The following NMNAT3 variants were observed in gnomAD, a reference collection of about 807,000 sequenced individuals.
NMNAT3 encodes nicotinamide nucleotide adenylyltransferase 3, also known as nicotinamide/nicotinic acid mononucleotide adenylyltransferase 3.
Under a neutral mutation model 24.8 loss-of-function variants are expected in NMNAT3, and 21 were observed. That is an observed-to-expected ratio of 0.85 (90% confidence interval 0.60 to 1.22). NMNAT3 has a LOEUF of 1.22. Ranked by LOEUF, NMNAT3 falls within the 50% of genes most tolerant of loss-of-function variation. The pLI, the probability that NMNAT3 is intolerant of heterozygous loss-of-function variation, is 0.00. For synonymous variants in NMNAT3, 136 were observed against 155.2 expected (o/e 0.88, Z 0.92); for missense variants, 387 against 436.6 (o/e 0.89, Z 1.01).
intron 6 of NMNAT3, chr3:139,572,159 C>G (rs1461215774): frequency 2.5e-6 from 1 of 398,760 alleles, no homozygotes; most frequent in Non-Finnish European, 4.4e-6. Flanking sequence ...CTGGCTGTCT[C>G]TGTTCTCAGC....
intron 1 of NMNAT3, among the ~76,000 whole-genome samples, chr3:139,675,219 A>C (rs1238460815): frequency 1.3e-5 from 2 of 151,408 alleles, no homozygotes; most frequent in Non-Finnish European, 2.9e-5. Context: ...TTATTTGTTC[A>C]TTACTGATTC....
chr3:139,596,938 ATATATATATATATATATAT>A (rs1421062417), intron 3 of NMNAT3, among the ~76,000 whole-genome samples: 2 of 104,952 alleles, frequency 1.9e-5, no homozygotes, highest in African/African-American at 5.3e-5. Context: ...ATATATATAT[ATATATATATATATATATAT>A]ATATATATTT....
chr3:139,578,457 A>T (rs1939648648), intron 5 of NMNAT3, among the ~76,000 whole-genome samples: 1 of 152,216 alleles, frequency 6.6e-6, no homozygotes, highest in Non-Finnish European at 1.5e-5. Context: ...GAATATTATT[A>T]TGTAGTTCTG....
intron 2 of NMNAT3, among the ~76,000 whole-genome samples, chr3:139,628,041 A>G (rs1276574892): frequency 6.6e-6 from 1 of 152,172 alleles, no homozygotes; most frequent in African/African-American, 2.4e-5. Flanking sequence ...ACTGGAACCA[A>G]GGCAGCCTGA....
At chr3:139,591,354 T>A (rs1576592003) in intron 3 of NMNAT3, among the ~76,000 whole-genome samples, 1 of 151,968 alleles carries the variant, frequency 6.6e-6, no homozygotes, top group Non-Finnish European at 1.5e-5. Context: ...AGCACAGCAG[T>A]CTGAGATCAA....
chr3:139,624,364 ATCTT>A (rs1559923430), intron 3 of NMNAT3, among the ~76,000 whole-genome samples: 1 of 151,046 alleles, frequency 6.6e-6, no homozygotes, highest in Non-Finnish European at 1.5e-5. Context: ...TCTTTCGGAG[ATCTT>A]TCTGTTATTG....
chr3:139,672,388 T>C lies in NMNAT3; in HGVS notation c.-141+5317A>G, dbSNP rs75560155. 5.0e-3 allele frequency among the ~76,000 whole-genome samples: 765 copies of C among 152,302 alleles called. 7 individuals are homozygous for C. The highest frequency in any genetic ancestry group is 0.017 in the African/African-American group (703 of 41,572). Reference sequence around the variant, plus strand: ...AGTTCCAGGTTGACTGATGGACACATTTACTCCTCAAAACCCTTTTCATAA... The same window carrying C: ...AGTTCCAGGTTGACTGATGGACACACTTACTCCTCAAAACCCTTTTCATAA... On this transcript the variant is annotated intron_variant, in intron 1 of 6. Transcript: ENST00000643695.
intron 1 of NMNAT3, among the ~76,000 whole-genome samples, chr3:139,651,356 G>A (rs1225047923): frequency 1.3e-5 from 2 of 152,098 alleles, no homozygotes; most frequent in East Asian, 3.9e-4. Context: ...CTTAGCTCAA[G>A]AAGGTACATT....
chr3:139,600,706 T>C (rs941443915), intron 3 of NMNAT3, among the ~76,000 whole-genome samples: 9 of 152,140 alleles, frequency 5.9e-5, no homozygotes, highest in Non-Finnish European at 1.2e-4. Flanking sequence ...GTTTCTTCTT[T>C]TTCCTGTTCC....
chr3:139,654,994 G>A (rs567430515), intron 1 of NMNAT3, among the ~76,000 whole-genome samples: 1 of 152,338 alleles, frequency 6.6e-6, no homozygotes, highest in South Asian at 2.1e-4. Context: ...GCCTAGGTGG[G>A]CAGAGGAGAG....
At position 139,567,438 on chromosome 3, in the gene NMNAT3, C is replaced by A. The variant is rs1443136423; in HGVS notation, c.659-6046G>T. ...AGAGAGGGCATCCCTGTCTTGTGCC[C>A]GTTTTCAAAGGGAATGCTTCCAGTT... On this transcript the variant is annotated intron_variant, in intron 6 of 6. Transcript: ENST00000643695. 1.6e-4 allele frequency: 25 copies of A among 151,812 alleles called. No homozygotes were observed. The East Asian group carries it at 3.5e-3, about 21-fold the overall frequency. The allele number at this position is 151,812 out of a possible 1,614,324, so 9.4% of individuals were successfully genotyped here.
chr3:139,654,053 A>G (rs2057152709), intron 1 of NMNAT3, among the ~76,000 whole-genome samples: 1 of 152,210 alleles, frequency 6.6e-6, no homozygotes, highest in Admixed American at 6.5e-5. Context: ...ACACTGGGAC[A>G]GCTCCCAAAA....
Position 139,573,579 on chromosome 3 carries a change from C to T in NMNAT3, c.658+19G>A, listed in dbSNP as rs752209777. On this transcript the variant is annotated intron_variant, in intron 6 of 6. Coordinates refer to ENST00000643695, the MANE Select transcript of NMNAT3 (RefSeq NM_001320510.2). ...CCCTGACATCTCATTCTCCTACAGA[C>T]AAGAGGATCAGCACCCACCTGCAGG... The T allele has an allele frequency of 2.0e-6, 3 of 1,492,670 alleles. No individual in the cohort carries two copies. Among genetic ancestry groups the T allele is most frequent in the Admixed American group, 4.0e-5 (2 of 49,808 alleles). 92.5% of individuals were successfully genotyped at this position (1,492,670 alleles called of 1,614,324 possible).
At chr3:139,630,672 AAG>A (rs2056257257) in intron 2 of NMNAT3, among the ~76,000 whole-genome samples, 2 of 152,186 alleles carry the variant, frequency 1.3e-5, no homozygotes, top group Non-Finnish European at 2.9e-5. Flanking sequence ...CTACAGTGTG[AAG>A]ATGAAAAGCT....
chr3:139,597,906 G>A (rs879748801), intron 3 of NMNAT3, among the ~76,000 whole-genome samples: 1 of 152,176 alleles, frequency 6.6e-6, no homozygotes, highest in African/African-American at 2.4e-5. Context: ...AGGAGAGGAG[G>A]AACACATCTG....
chr3:139,599,622 A>T (rs577716572), intron 3 of NMNAT3, among the ~76,000 whole-genome samples: 2 of 152,310 alleles, frequency 1.3e-5, no homozygotes, highest in South Asian at 4.1e-4. Context: ...TTGTGATTAA[A>T]CCTCGCCTCT....
At chr3:139,563,833 G>T (rs1360777034) in intron 6 of NMNAT3, among the ~76,000 whole-genome samples, 4 of 152,156 alleles carry the variant, frequency 2.6e-5, no homozygotes, top group Non-Finnish European at 5.9e-5. Context: ...TAACTCCAGG[G>T]TGTAGTATAA....
chr3:139,597,556 A>G (rs934675001), intron 3 of NMNAT3, among the ~76,000 whole-genome samples: 1 of 152,208 alleles, frequency 6.6e-6, no homozygotes, highest in South Asian at 2.1e-4. Context: ...GTTAAACACT[A>G]GCTGTAACGC....
chr3:139,642,244 G>A lies in NMNAT3; in HGVS notation c.-140-4182C>T, dbSNP rs2349590. Among the ~76,000 whole-genome samples, 10 of 152,164 alleles carry A rather than the reference G, an allele frequency of 6.6e-5. No individual in the cohort carries two copies. The South Asian group carries it at 8.3e-4, about 13-fold the overall frequency. On this transcript the variant is annotated intron_variant, in intron 1 of 6. Coordinates refer to ENST00000643695, the MANE Select transcript of NMNAT3 (RefSeq NM_001320510.2). ...GCTAAAATATCTTTATTGCTAAAGC[G>A]CCTGCTGATCAGGTGTTCAGTGGCG...
Sources: gnomAD v4.1 joint callset for allele counts (sites outside exome capture counted in the v4.1 genomes callset) on GRCh38, gnomAD v4.1.1 for gene constraint, MANE v1.5 for transcripts, NCBI Gene and HGNC (gene_info 2026-07-23, HGNC 2026-07-21) for gene names.